The following KLF12 variants were observed in gnomAD, a reference collection of about 807,000 sequenced individuals.
KLF12 encodes Krueppel-like factor 12.
Under a neutral mutation model 37.8 loss-of-function variants are expected in KLF12, and 9 were observed. The ratio of observed to expected loss-of-function variants is 0.24; its 90% CI spans 0.14 to 0.42. The LOEUF (loss-of-function observed/expected upper bound fraction) is 0.42. Among genes scored for constraint, KLF12 ranks in the 10% least tolerant of loss-of-function variants. KLF12 has a pLI of 1.00. For missense variants in KLF12, 411 were observed against 516.0 expected (o/e 0.80, Z 1.97); for synonymous variants, 208 against 202.1 (o/e 1.03, Z -0.25).
intron 1 of KLF12, among the ~76,000 whole-genome samples, chr13:74,030,032 G>C (rs1893074325): frequency 6.6e-6 from 1 of 152,086 alleles, no homozygotes; most frequent in Non-Finnish European, 1.5e-5. Context: ...CTCCACAGTA[G>C]ATCATTTCAT....
chr13:73,845,711 G>T, intron 4 of KLF12, 116 bp downstream of exon 4: 1 of 861,310 alleles, frequency 1.2e-6, no homozygotes, highest in Non-Finnish European at 1.8e-6. Context: ...TCTCCACGTT[G>T]CTCTACACAG....
At chr13:73,844,213 G>C (rs955377938) in intron 4 of KLF12, among the ~76,000 whole-genome samples, 2 of 152,084 alleles carry the variant, frequency 1.3e-5, no homozygotes, top group Admixed American at 1.3e-4. Context: ...TTTGCTACTT[G>C]TTAATTTCGA....
At position 73,914,675 on chromosome 13, in the gene KLF12, G is replaced by A. The variant is rs148502300; in HGVS notation, c.123+29306C>T. Among the ~76,000 whole-genome samples, 363 of 152,232 alleles carry A rather than the reference G, an allele frequency of 2.4e-3. 2 individuals are homozygous for A. Among genetic ancestry groups the A allele is most frequent in the African/African-American group, 7.7e-3 (321 of 41,540 alleles). ...GGAAAAAATGCAAGAGACAGCACAC[G>A]GGGCTATTCTAGCACAGTCTCTTCC... On this transcript the variant is annotated intron_variant, in intron 3 of 7. Transcript: ENST00000377669.
chr13:74,231,982 G>A, the KLF12 span, among the ~76,000 whole-genome samples: 1 of 152,130 alleles, frequency 6.6e-6, no homozygotes, highest in Non-Finnish European at 1.5e-5. Flanking sequence ...TAGTTTTGGG[G>A]GGTCTGAATT....
chr13:74,155,363 G>GT, the KLF12 span, among the ~76,000 whole-genome samples: 3 of 134,656 alleles, frequency 2.2e-5, no homozygotes, highest in South Asian at 4.6e-4. Context: ...TTTTGTTTTT[G>GT]TTTTTGTTTT....
chr13:73,711,707 T>C (rs896081747), intron 7 of KLF12, among the ~76,000 whole-genome samples: 1 of 152,190 alleles, frequency 6.6e-6, no homozygotes, highest in African/African-American at 2.4e-5. Flanking sequence ...AGATGGATGT[T>C]TTTCTGCCTG....
chr13:73,831,557 G>A (rs1884158489), intron 4 of KLF12, among the ~76,000 whole-genome samples: 1 of 151,904 alleles, frequency 6.6e-6, no homozygotes, highest in African/African-American at 2.4e-5. Flanking sequence ...CAATTATTAC[G>A]CTGTAATAAA....
At chr13:73,740,404 C>A (rs537269854) in intron 6 of KLF12, among the ~76,000 whole-genome samples, 108 of 152,294 alleles carry the variant, frequency 7.1e-4, no homozygotes, top group African/African-American at 2.5e-3. Context: ...CAGTCTATGG[C>A]ATTTTGTTAC....
At chr13:74,275,381 A>G in the KLF12 span, among the ~76,000 whole-genome samples, 3 of 152,228 alleles carry the variant, frequency 2.0e-5, no homozygotes, top group African/African-American at 7.2e-5. Context: ...TCATCTTAAC[A>G]GAACAATTCT....
intron 3 of KLF12, among the ~76,000 whole-genome samples, chr13:73,920,125 C>T (rs764546169): frequency 3.9e-5 from 6 of 152,108 alleles, no homozygotes; most frequent in Non-Finnish European, 7.4e-5. Context: ...CACAGCAGTG[C>T]CAATACTATG....
chr13:73,963,893 C>A (rs1299120283), intron 2 of KLF12, among the ~76,000 whole-genome samples: 76 of 152,132 alleles, frequency 5.0e-4, no homozygotes, highest in Non-Finnish European at 7.4e-5. Flanking sequence ...TTCAGAAATG[C>A]AAACACCCAA....
At chr13:74,175,134 A>T in the KLF12 span, among the ~76,000 whole-genome samples, 24 of 152,140 alleles carry the variant, frequency 1.6e-4, no homozygotes, top group South Asian at 8.3e-4. Context: ...ACAAAAATAA[A>T]TTTTTTTTAC....
At chr13:73,742,488 A>T (rs79349471) in intron 6 of KLF12, among the ~76,000 whole-genome samples, 1,874 of 152,322 alleles carry the variant, frequency 0.012, 42 homozygotes, top group African/African-American at 0.043. Flanking sequence ...TGTTGGCTAG[A>T]TACTACGCTA....
chr13:73,996,206 C>G (rs2138278162), intron 1 of KLF12, among the ~76,000 whole-genome samples: 2 of 152,328 alleles, frequency 1.3e-5, no homozygotes, highest in Middle Eastern at 6.8e-3. Flanking sequence ...ATATGCACTA[C>G]AGCTTTTACC....
At chr13:74,050,593 T>C (rs1872849032) in intron 1 of KLF12, among the ~76,000 whole-genome samples, 1 of 152,134 alleles carries the variant, frequency 6.6e-6, no homozygotes, top group African/African-American at 2.4e-5. Context: ...CAGACAATTC[T>C]GGGTTTGAAG....
chr13:73,755,122 G>A lies in KLF12; in HGVS notation c.869+9816C>T, dbSNP rs188743983. Among the ~76,000 whole-genome samples the A allele has an allele frequency of 3.3e-5, 5 of 152,182 alleles. No homozygotes were observed. The East Asian group carries it at 5.8e-4, about 18-fold the overall frequency. On this transcript the variant is annotated intron_variant, in intron 6 of 7. Coordinates refer to ENST00000377669, the MANE Select transcript of KLF12 (RefSeq NM_007249.5). ...GTACAATATAATTCAGATCTAAAGC[G>A]AAAAATAATAGGTATACCCTTTTCT...
At chr13:74,092,000 A>AC in intron 1 of KLF12, among the ~76,000 whole-genome samples, 1 of 151,864 alleles carries the variant, frequency 6.6e-6, no homozygotes, top group East Asian at 1.9e-4. Flanking sequence ...ACCTTTAAAA[A>AC]AAAAAAAACC....
At chr13:74,129,421 A>G (rs1419989222) in intron 1 of KLF12, among the ~76,000 whole-genome samples, 1 of 152,222 alleles carries the variant, frequency 6.6e-6, no homozygotes, top group Non-Finnish European at 1.5e-5. Context: ...CAAATGTCAC[A>G]CTTGGGACAC....
chr13:74,049,841 G>C (rs139193485), intron 1 of KLF12, among the ~76,000 whole-genome samples: 124 of 152,276 alleles, frequency 8.1e-4, no homozygotes, highest in African/African-American at 3.0e-3. Context: ...GAAGAGGAAA[G>C]TAAGTTCTGC....
Sources: allele counts gnomAD v4.1 joint callset (sites outside exome capture counted in the v4.1 genomes callset), GRCh38; gene constraint gnomAD v4.1.1; transcripts MANE v1.5; gene names NCBI Gene and HGNC (gene_info 2026-07-23, HGNC 2026-07-21).